The following DESI1 variants were observed in gnomAD, a reference collection of about 807,000 sequenced individuals.
DESI1 encodes PPPDE peptidase domain containing 2.
Under a neutral mutation model 22.4 loss-of-function variants are expected in DESI1, and 17 were observed. The ratio of observed to expected loss-of-function variants is 0.76; its 90% confidence interval spans 0.52 to 1.14. The LOEUF (loss-of-function observed/expected upper bound fraction) is 1.14, where lower values mean the gene tolerates loss of function less well. Among genes scored for constraint, DESI1 ranks in the 50% most tolerant of loss-of-function variants. The probability of loss-of-function intolerance (pLI) is 0.00; values close to 1 mark genes in which losing one functional copy is unlikely to be tolerated. For missense variants in DESI1, 177 were observed against 208.9 expected (o/e 0.85, Z 0.94); for synonymous variants, 92 against 84.2 (o/e 1.09, Z -0.51).
chr22:41,615,949 T>C (rs2067548274), intron 1 of DESI1, among the ~76,000 whole-genome samples: 1 of 152,250 alleles, frequency 6.6e-6, no homozygotes, highest in South Asian at 2.1e-4. Flanking sequence ...ACTCCTGGGC[T>C]GGGCATGGTG....
chr22:41,604,245 TCTGA>T (rs1225987778), intron 3 of DESI1, 92 bp from the exon 4 acceptor site: 3 of 905,970 alleles, frequency 3.3e-6, no homozygotes, highest in Non-Finnish European at 4.6e-6. Flanking sequence ...AACACTCTGT[TCTGA>T]CTTTTTTTTT....
intron 1 of DESI1, among the ~76,000 whole-genome samples, chr22:41,612,782 C>T (rs112522903): frequency 2.1e-5 from 3 of 144,118 alleles, no homozygotes; most frequent in African/African-American, 7.8e-5. Context: ...TTTGAGACGG[C>T]GTCTCCCTAT....
At chr22:41,603,236 G>C in intron 5 of DESI1, 23 bp downstream of exon 5, 1 of 1,614,016 alleles carries the variant, frequency 6.2e-7, no homozygotes, top group Non-Finnish European at 8.5e-7. Context: ...CAAGGCAGGG[G>C]CAGGGACAGA....
intron 1 of DESI1, among the ~76,000 whole-genome samples, chr22:41,616,662 ATTATTT>A (rs1569071850): frequency 1.3e-5 from 2 of 152,146 alleles, no homozygotes; most frequent in Non-Finnish European, 2.9e-5. Flanking sequence ...ATAATAGCTA[ATTATTT>A]TAGGCAATTG....
chr22:41,602,187 C>A (rs1347934639), intron 5 of DESI1: 2 of 984,538 alleles, frequency 2.0e-6, no homozygotes, highest in East Asian at 2.3e-4. Flanking sequence ...TGAAAATCAT[C>A]TCCAAGTTTA....
At chr22:41,610,353 G>A (rs964377536) in intron 1 of DESI1, among the ~76,000 whole-genome samples, 1 of 151,376 alleles carries the variant, frequency 6.6e-6, no homozygotes, top group Non-Finnish European at 1.5e-5. Context: ...CTGTACTCCA[G>A]CCTGGGCAAC....
In DESI1 at chr22:41,607,257, C is replaced by A; in HGVS notation, c.180+5G>T. The A allele has an allele frequency of 1.2e-6, 2 of 1,607,342 alleles. No homozygotes were observed. Among genetic ancestry groups the A allele is most frequent in the Non-Finnish European group, 1.7e-6 (2 of 1,176,706 alleles). ...GCAGGACAGAGTGTAGGGGAAGACA[C>A]TCACCGGGGGGCAGCTGGAGATACC... On this transcript the variant is annotated splice_donor_5th_base_variant and intron_variant, in intron 3 of 5. Transcript: ENST00000263256.
intron 2 of DESI1, 36 bp from the exon 3 acceptor site, chr22:41,607,367 CTT>C: frequency 6.3e-7 from 1 of 1,582,436 alleles, no homozygotes; most frequent in Non-Finnish European, 8.6e-7. Context: ...AGCCAGAAAA[CTT>C]AAACTTTTGA....
At chr22:41,615,924 A>C (rs2067548224) in intron 1 of DESI1, among the ~76,000 whole-genome samples, 1 of 152,226 alleles carries the variant, frequency 6.6e-6, no homozygotes, top group Non-Finnish European at 1.5e-5. Flanking sequence ...AAAGGAAAAT[A>C]ATATTTTAAG....
intron 3 of DESI1, among the ~76,000 whole-genome samples, chr22:41,606,691 G>A (rs373566067): frequency 4.7e-5 from 7 of 149,398 alleles, no homozygotes; most frequent in East Asian, 3.9e-4. Flanking sequence ...GGAGAATGGC[G>A]CGAACCCGGG....
chr22:41,618,134 G>A (rs971714919), intron 1 of DESI1, among the ~76,000 whole-genome samples: 2 of 152,000 alleles, frequency 1.3e-5, no homozygotes, highest in African/African-American at 2.4e-5. Flanking sequence ...AGGCTGAGGC[G>A]GGCGGATCAC....
At chr22:41,612,663 A>G (rs2067524971) in intron 1 of DESI1, among the ~76,000 whole-genome samples, 1 of 151,194 alleles carries the variant, frequency 6.6e-6, no homozygotes, top group Non-Finnish European at 1.5e-5. Context: ...TAACGCGATC[A>G]AAGCTCACTG....
intron 2 of DESI1, 113 bp from the exon 3 acceptor site, chr22:41,607,444 G>A (rs1028970898): frequency 1.9e-6 from 2 of 1,032,426 alleles, no homozygotes; most frequent in Non-Finnish European, 2.8e-6. Context: ...GTGGGGACCA[G>A]TCTTATAAAA....
Position 41,620,942 on chromosome 22 carries a change from A to ACCGAGC in DESI1, c.-109_-104dup. The ACCGAGC allele has an allele frequency of 3.2e-6, 4 of 1,257,986 alleles. No individual in the cohort carries two copies. The highest frequency in any genetic ancestry group is 4.4e-6 in the Non-Finnish European group (4 of 905,172). 77.9% of individuals were successfully genotyped at this position (1,257,986 alleles called of 1,614,324 possible). A position where few individuals can be genotyped will look rare whatever the true frequency, so the allele number is the denominator to read the frequency against. ...GTGCGAAGCGGAGGGAGAGGGGGGG[A>ACCGAGC]CCGAGCCCGGGCCCGGGCTGAGGGG... On this transcript the variant is annotated 5_prime_UTR_variant, in exon 1 of 6. Coordinates refer to ENST00000263256, the MANE Select transcript of DESI1 (RefSeq NM_015704.3).
chr22:41,606,601 G>A (rs920086374), intron 3 of DESI1, among the ~76,000 whole-genome samples: 4 of 151,586 alleles, frequency 2.6e-5, no homozygotes, highest in African/African-American at 7.3e-5. Context: ...CTGAAACACC[G>A]TATCTACTAA....
Position 41,600,627 on chromosome 22 carries a change from A to G in DESI1, c.*470T>C, listed in dbSNP as rs2067444568. On this transcript the variant is annotated 3_prime_UTR_variant, in exon 6 of 6. Coordinates refer to ENST00000263256, the MANE Select transcript of DESI1 (RefSeq NM_015704.3). Reference sequence around the variant, plus strand: ...GGTTAGTCATCCTGAAACCGGTCCCATGTACACCAAATCCTTTGGTTCATT... The same window carrying G: ...GGTTAGTCATCCTGAAACCGGTCCCGTGTACACCAAATCCTTTGGTTCATT... 1 of 164,216 alleles carries G rather than the reference A, an allele frequency of 6.1e-6. No homozygotes were observed. The highest frequency in any genetic ancestry group is 5.8e-5 in the Admixed American group (1 of 17,168). 10.2% of individuals were successfully genotyped at this position (164,216 alleles called of 1,614,324 possible). A position where few individuals can be genotyped will look rare whatever the true frequency, so the allele number is the denominator to read the frequency against.
intron 1 of DESI1, among the ~76,000 whole-genome samples, chr22:41,611,548 A>C (rs1246040166): frequency 6.6e-6 from 1 of 150,938 alleles, no homozygotes; most frequent in East Asian, 2.0e-4. Flanking sequence ...GTTCAGTGAA[A>C]CTGGAGAAAT....
rs1601505652 is a variant in DESI1 at position 41,598,221 on chromosome 22, G to A, written c.*2876C>T. The A allele has an allele frequency of 6.6e-6, 1 of 152,104 alleles. No homozygotes were observed. The highest frequency in any genetic ancestry group is 6.6e-5 in the Admixed American group (1 of 15,264). 9.4% of individuals were successfully genotyped at this position (152,104 alleles called of 1,614,324 possible). A position where few individuals can be genotyped will look rare whatever the true frequency, so the allele number is the denominator to read the frequency against. ...CCTTTAAACCAATGGACCTCTAGAG[G>A]TGTCCACTGTGCAATACAAGTACGT... On this transcript the variant is annotated 3_prime_UTR_variant, in exon 6 of 6. Coordinates refer to ENST00000263256, the MANE Select transcript of DESI1 (RefSeq NM_015704.3).
chr22:41,607,273 T>C lies in DESI1; in HGVS notation c.169A>G (p.Ser57Gly), dbSNP rs1001353971. The C allele has an allele frequency of 6.2e-7, 1 of 1,610,916 alleles. No homozygotes were observed. Among genetic ancestry groups the C allele is most frequent in the Non-Finnish European group, 8.5e-7 (1 of 1,178,460 alleles). The change falls in exon 3 of 6, where the codon AGC becomes GGC. Residue 57 changes from serine to glycine, a missense_variant. Transcript: ENST00000263256. Reference protein sequence around the residue: ...EFFFGSGGISSCPPGGTLLGP... With the variant: ...EFFFGSGGISGCPPGGTLLGP... ...GGGAAGACACTCACCGGGGGGCAGCTGGAGATACCACCACTGCCGAAGAAG... is the reference window on the plus strand; with the variant it reads ...GGGAAGACACTCACCGGGGGGCAGCCGGAGATACCACCACTGCCGAAGAAG...
Sources: allele counts gnomAD v4.1 joint callset (sites outside exome capture counted in the v4.1 genomes callset), GRCh38; gene constraint gnomAD v4.1.1; transcripts MANE v1.5; gene names NCBI Gene and HGNC (gene_info 2026-07-23, HGNC 2026-07-21).